Variants in LMO7 observed in about 807,000 individuals in gnomAD.
LMO7 encodes LIM domain 7.
A neutral mutation model predicts 206.5 loss-of-function variants in LMO7; 120 were observed. The observed-to-expected ratio is 0.58, with a 90% CI of 0.50 to 0.68. The LOEUF (loss-of-function observed/expected upper bound fraction) is 0.68, where lower values mean the gene tolerates loss of function less well. Ranked by LOEUF, LMO7 falls within the 30% of genes least tolerant of loss-of-function variation. The pLI, the probability that LMO7 is intolerant of heterozygous loss-of-function variation, is 0.00. For missense variants in LMO7, 1,959 were observed against 1,957.9 expected (o/e 1.00, Z -0.01); for synonymous variants, 706 against 681.5 (o/e 1.04, Z -0.56).
rs1462887384 is a variant in LMO7 at position 75,759,217 on chromosome 13, TTACAGGTCCTTCATTG to T, written c.211-1714_211-1699del. On this transcript the variant is annotated intron_variant, in intron 3 of 30. Coordinates refer to ENST00000377534, the MANE Select transcript of LMO7 (RefSeq NM_001306080.2). ...GCCTCTCTCCCTTGGCATGCAGGGATTACAGGTCCTTCATTGACAAGTGAGGATTACAATTTCAGAT... is the reference window on the plus strand; with the variant it reads ...GCCTCTCTCCCTTGGCATGCAGGGATACAAGTGAGGATTACAATTTCAGAT... 2.1e-4 allele frequency among the ~76,000 whole-genome samples: 32 copies of T among 152,096 alleles called. 2 individuals carry two copies. Among genetic ancestry groups the T allele is most frequent in the Admixed American group, 2.1e-3 (32 of 15,264 alleles).
intron 4 of LMO7, among the ~76,000 whole-genome samples, chr13:75,764,266 T>A (rs1291077535): frequency 6.6e-6 from 1 of 152,112 alleles, no homozygotes; most frequent in African/African-American, 2.4e-5. Flanking sequence ...GGCCATGAAA[T>A]CAATCTTTTG....
chr13:75,801,616 C>G (rs1275123463), intron 7 of LMO7, among the ~76,000 whole-genome samples: 1 of 152,144 alleles, frequency 6.6e-6, no homozygotes, highest in Non-Finnish European at 1.5e-5. Context: ...CTGGGTATAG[C>G]GTCAGCAATT....
chr13:75,652,478 A>T (rs760193156), intron 1 of LMO7, among the ~76,000 whole-genome samples: 12 of 152,054 alleles, frequency 7.9e-5, no homozygotes, highest in African/African-American at 2.9e-4. Flanking sequence ...AAGTTTGTGC[A>T]ATGTTTTCTT....
intron 1 of LMO7, among the ~76,000 whole-genome samples, chr13:75,672,240 A>G (rs2039646948): frequency 7.6e-6 from 1 of 131,556 alleles, no homozygotes; most frequent in African/African-American, 2.8e-5. Flanking sequence ...TTAAAAAAAG[A>G]TTTTTTTTTT....
rs1353063779 is a variant in LMO7, at chr13:75,713,226, T to C, written c.114T>C (p.Ser38=). The change falls in exon 2 of 31, where the codon TCT becomes TCC. Residue 38 remains serine, a synonymous_variant. Coordinates refer to ENST00000377534, the MANE Select transcript of LMO7 (RefSeq NM_001306080.2). ...TTGAAACAAAAGATTTTCGAGCCTC[T>C]CTAGAAAATGGTGTTCTGCTGTGTG... ...KNFETKDFRA[S]LENGVLLCDL... 4 of 1,611,460 alleles carry C rather than the reference T, an allele frequency of 2.5e-6. No individual in the cohort carries two copies. The South Asian group carries it at 3.3e-5, about 13-fold the overall frequency.
chr13:75,636,364 C>T lies in LMO7; in HGVS notation c.-294C>T. ...TCGGGGCTGGTGCCGCGCGCTGCCG[C>T]TGGGCACCCGCTTCGCTTCCCGCGT... is the stretch of plus-strand genomic sequence containing the variant. On this transcript the variant is annotated 5_prime_UTR_variant, in exon 1 of 31. Transcript: ENST00000377534. 1.6e-6 allele frequency: 2 copies of T among 1,252,080 alleles called. 1 individual carries two copies. Among genetic ancestry groups the T allele is most frequent in the South Asian group, 3.4e-5 (2 of 58,276 alleles). 77.6% of individuals were successfully genotyped at this position (1,252,080 alleles called of 1,614,324 possible).
intron 1 of LMO7, among the ~76,000 whole-genome samples, chr13:75,696,608 C>T (rs1221683966): frequency 6.6e-6 from 1 of 152,090 alleles, no homozygotes; most frequent in Non-Finnish European, 1.5e-5. Context: ...GAGAGGCAGA[C>T]TTCCAGGTGT....
rs1323862049 is a variant in LMO7 at position 75,821,482 on chromosome 13, C to T, written c.2513C>T (p.Thr838Ile). 6.2e-7 allele frequency: 1 copy of T among 1,614,160 alleles called. No homozygotes were observed. The highest frequency in any genetic ancestry group is 2.2e-5 in the East Asian group (1 of 44,890). Residue 838 changes from threonine to isoleucine, a missense_variant, in exon 14 of 31, where the codon ACT (threonine) becomes ATT (isoleucine). Coordinates refer to ENST00000377534, the MANE Select transcript of LMO7 (RefSeq NM_001306080.2). ...LRSRSTQMES[T>I]RVSASLPRSY... ...TCACGGAGCACACAAATGGAATCAA[C>T]TCGTGTTTCAGCTTCTCTCCCCAGA...
intron 1 of LMO7, chr13:75,688,554 T>A (rs1458452363): frequency 1.3e-5 from 2 of 152,398 alleles, no homozygotes; most frequent in Non-Finnish European, 2.9e-5. Context: ...GGCCAAGATA[T>A]ATATATCCCA....
At chr13:75,657,276 T>C (rs2038147265) in intron 1 of LMO7, among the ~76,000 whole-genome samples, 1 of 152,184 alleles carries the variant, frequency 6.6e-6, no homozygotes, top group South Asian at 2.1e-4. Flanking sequence ...AAATAATAAA[T>C]TTCTGTTGTT....
rs57536883 is a variant in LMO7 at position 75,757,790 on chromosome 13, CTGTGTGTGTGTGTGTGTGTGTGTGTG to C, written c.211-3116_211-3091del. 4.3e-4 allele frequency among the ~76,000 whole-genome samples: 62 copies of C among 143,436 alleles called. 1 individual carries two copies. The highest frequency in any genetic ancestry group is 9.6e-4 in the African/African-American group (38 of 39,726). The allele number at this position is 143,436 out of a possible 152,430, so 94.1% of individuals were successfully genotyped here. A position where few individuals can be genotyped will look rare whatever the true frequency, so the allele number is the denominator to read the frequency against. ...TAGATACATTTAGGGCTCATTGTTT[CTGTGTGTGTGTGTGTGTGTGTGTGTG>C]TGTGTGTGTGTGTGTGTGTGTGTGT... On this transcript the variant is annotated intron_variant, in intron 3 of 30. Coordinates refer to ENST00000377534, the MANE Select transcript of LMO7 (RefSeq NM_001306080.2).
intron 1 of LMO7, among the ~76,000 whole-genome samples, chr13:75,658,697 C>A (rs1248887417): frequency 1.3e-5 from 2 of 152,152 alleles, no homozygotes; most frequent in Admixed American, 1.3e-4. Context: ...CATTCTCCTG[C>A]CTCAGCCTCC....
chr13:75,841,007 G>A (rs377400804), intron 22 of LMO7, 102 bp from the exon 23 acceptor site: 1 of 711,380 alleles, frequency 1.4e-6, no homozygotes, highest in Non-Finnish European at 2.3e-6. Flanking sequence ...GTCTTTAAAG[G>A]TTTGAGGTTG....
chr13:75,816,029 G>A (rs1164555372), intron 11 of LMO7, among the ~76,000 whole-genome samples: 1 of 152,186 alleles, frequency 6.6e-6, no homozygotes, highest in East Asian at 1.9e-4. Flanking sequence ...CAATTGAAGT[G>A]CCTAGGGGAT....
intron 28 of LMO7, among the ~76,000 whole-genome samples, chr13:75,854,763 A>G (rs1245019601): frequency 6.6e-6 from 1 of 152,188 alleles, no homozygotes; most frequent in Non-Finnish European, 1.5e-5. Context: ...CTCTGTAACT[A>G]GAAAACTGGG....
At position 75,805,746 on chromosome 13, in the gene LMO7, A is replaced by G. The variant is rs2055361773; in HGVS notation, c.1182A>G (p.Glu394=). The G allele has an allele frequency of 6.2e-7, 1 of 1,613,482 alleles. No individual in the cohort carries two copies. The highest frequency in any genetic ancestry group is 1.3e-5 in the African/African-American group (1 of 74,870). Residue 394 remains glutamate (E), a synonymous_variant, in exon 9 of 31, where the codon GAA becomes GAG. Transcript: ENST00000377534. ...KRETYKPWYK[E]FQGFSQFLLL... ...AAACTTATAAGCCATGGTATAAAGA[A>G]TTTCAGGGATTCAGGTTTGTCGTTG...
chr13:75,826,682 C>T (rs970198887), intron 15 of LMO7, among the ~76,000 whole-genome samples: 7 of 152,104 alleles, frequency 4.6e-5, no homozygotes, highest in Non-Finnish European at 8.8e-5. Flanking sequence ...AATCAACAAT[C>T]CGAATGTGGA....
At chr13:75,768,317 A>G (rs889915524) in intron 4 of LMO7, among the ~76,000 whole-genome samples, 4 of 152,056 alleles carry the variant, frequency 2.6e-5, no homozygotes, top group African/African-American at 7.2e-5. Flanking sequence ...GGGAGCAGAT[A>G]TTAAAACAAA....
At chr13:75,636,140 C>A (rs1340417080), upstream of LMO7, 3 of 239,962 alleles carry the variant, frequency 1.3e-5, no homozygotes, top group Admixed American at 2.0e-4. Context: ...CGGGCCGCGG[C>A]CCCTGGCGGA....
Sources: allele counts gnomAD v4.1 joint callset (sites outside exome capture counted in the v4.1 genomes callset), GRCh38; gene constraint gnomAD v4.1.1; transcripts MANE v1.5; gene names NCBI Gene and HGNC (gene_info 2026-07-23, HGNC 2026-07-21).